KIAA0825: variants seen among roughly 807,000 people sequenced by gnomAD.
KIAA0825 encodes the protein uncharacterized protein KIAA0825.
A neutral mutation model predicts 147.6 loss-of-function variants in KIAA0825; 119 were observed. The observed-to-expected ratio is 0.81, with a 90% confidence interval of 0.69 to 0.94. The LOEUF (loss-of-function observed/expected upper bound fraction) is 0.94, where lower values mean the gene tolerates loss of function less well. KIAA0825 is among the 40% of genes least tolerant of loss of function. KIAA0825 has a pLI of 0.00. For synonymous variants in KIAA0825, 470 were observed against 518.1 expected (o/e 0.91, Z 1.26); for missense variants, 1,381 against 1,472.7 (o/e 0.94, Z 1.02).
chr5:94,565,504 G>A (rs550669408), intron 2 of KIAA0825, among the ~76,000 whole-genome samples: 1 of 151,728 alleles, frequency 6.6e-6, no homozygotes, highest in East Asian at 2.0e-4. Flanking sequence ...ACCATATCTG[G>A]CTAATTTTTG....
intron 13 of KIAA0825, among the ~76,000 whole-genome samples, chr5:94,441,644 C>T (rs1357194494): frequency 6.6e-6 from 1 of 152,126 alleles, no homozygotes; most frequent in Non-Finnish European, 1.5e-5. Flanking sequence ...CATGAGGATA[C>T]AAGAAGTTCG....
At chr5:94,467,326 A>AT (rs200289559) in intron 10 of KIAA0825, among the ~76,000 whole-genome samples, 3 of 152,268 alleles carry the variant, frequency 2.0e-5, no homozygotes, top group East Asian at 3.9e-4. Flanking sequence ...CTGCTAGTAA[A>AT]CATCTGTTAT....
intron 1 of KIAA0825, among the ~76,000 whole-genome samples, chr5:94,589,052 G>A (rs1783849280): frequency 1.3e-5 from 2 of 152,210 alleles, no homozygotes; most frequent in African/African-American, 2.4e-5. Context: ...GATAGAGTTA[G>A]GAGAAATACC....
intron 20 of KIAA0825, among the ~76,000 whole-genome samples, chr5:94,182,037 C>G (rs1184671969): frequency 6.6e-6 from 1 of 151,862 alleles, no homozygotes; most frequent in African/African-American, 2.4e-5. Flanking sequence ...AACTCCTTAT[C>G]AACATATACA....
At chr5:94,169,084 A>G (rs1233229549) in intron 20 of KIAA0825, among the ~76,000 whole-genome samples, 3 of 152,226 alleles carry the variant, frequency 2.0e-5, no homozygotes, top group Non-Finnish European at 4.4e-5. Flanking sequence ...TTTAGACAAC[A>G]CAGTTGTCAC....
chr5:94,232,880 GA>G (rs1422282651), intron 20 of KIAA0825, among the ~76,000 whole-genome samples: 1 of 152,038 alleles, frequency 6.6e-6, no homozygotes, highest in Non-Finnish European at 1.5e-5. Context: ...AAAAGTACAA[GA>G]TTTTTTCCCT....
intron 15 of KIAA0825, among the ~76,000 whole-genome samples, chr5:94,404,849 A>T (rs1056600650): frequency 6.6e-6 from 1 of 152,160 alleles, no homozygotes; most frequent in Non-Finnish European, 1.5e-5. Flanking sequence ...AAAAATATAG[A>T]CACTTTAGGA....
intron 20 of KIAA0825, among the ~76,000 whole-genome samples, chr5:94,238,902 GA>G (rs958000289): frequency 1.3e-5 from 2 of 152,072 alleles, no homozygotes; most frequent in African/African-American, 2.4e-5. Flanking sequence ...TCTTCTTTTA[GA>G]ATGAAATATC....
intron 18 of KIAA0825, among the ~76,000 whole-genome samples, chr5:94,389,185 T>C (rs1056241559): frequency 1.3e-5 from 2 of 152,200 alleles, no homozygotes; most frequent in Non-Finnish European, 2.9e-5. Context: ...ATACAGGGGA[T>C]TGAGGCCCTT....
intron 13 of KIAA0825, among the ~76,000 whole-genome samples, chr5:94,440,718 C>G (rs1756967777): frequency 6.6e-6 from 1 of 151,926 alleles, no homozygotes; most frequent in South Asian, 2.1e-4. Context: ...AATTCCGAGG[C>G]AAATACGCTT....
intron 18 of KIAA0825, among the ~76,000 whole-genome samples, chr5:94,388,930 A>G (rs60864844): frequency 0.022 from 3,307 of 152,242 alleles, 118 homozygotes; most frequent in African/African-American, 0.076. Context: ...GATGACCTCA[A>G]CTACCACACT....
chr5:94,252,450 G>GGT lies in KIAA0825; in HGVS notation c.3711-98328_3711-98327dup, dbSNP rs543621272. 3.3e-3 allele frequency among the ~76,000 whole-genome samples: 493 copies of GGT among 151,168 alleles called. 1 individual carries two copies. The highest frequency in any genetic ancestry group is 0.012 in the African/African-American group (480 of 41,242). ...ATATACATGTACATATATGTGTGTG[G>GGT]GTGTGTATATATATATAGAGAGAGA... On this transcript the variant is annotated intron_variant, in intron 20 of 20. Coordinates refer to ENST00000682413, the MANE Select transcript of KIAA0825 (RefSeq NM_001145678.3).
chr5:94,599,083 T>C (rs1482327481), intron 1 of KIAA0825, among the ~76,000 whole-genome samples: 4 of 152,232 alleles, frequency 2.6e-5, no homozygotes, highest in South Asian at 2.1e-4. Flanking sequence ...TACTAACTTA[T>C]ATTCCCACCA....
intron 16 of KIAA0825, among the ~76,000 whole-genome samples, chr5:94,400,958 C>A (rs78902239): frequency 0.011 from 1,734 of 151,886 alleles, 14 homozygotes; most frequent in South Asian, 0.03. Flanking sequence ...AAGGTAATGA[C>A]TATTTGTCTT....
At chr5:94,595,624 G>A (rs553694422) in intron 1 of KIAA0825, among the ~76,000 whole-genome samples, 18 of 152,130 alleles carry the variant, frequency 1.2e-4, no homozygotes, top group Non-Finnish European at 2.4e-4. Flanking sequence ...CGCAAATTTC[G>A]GCAGCTGCTT....
chr5:94,595,706 G>A (rs142801123), intron 1 of KIAA0825, among the ~76,000 whole-genome samples: 1 of 152,114 alleles, frequency 6.6e-6, no homozygotes, highest in Non-Finnish European at 1.5e-5. Context: ...AAACTGTTAT[G>A]CTCTGCTTCC....
chr5:94,535,156 G>C (rs75715074), intron 3 of KIAA0825, among the ~76,000 whole-genome samples: 6 of 151,952 alleles, frequency 3.9e-5, no homozygotes, highest in Non-Finnish European at 7.4e-5. Flanking sequence ...TTTCCCTGTT[G>C]AAAATAAGGG....
intron 13 of KIAA0825, among the ~76,000 whole-genome samples, chr5:94,444,139 C>A (rs1442004807): frequency 6.6e-6 from 1 of 152,112 alleles, no homozygotes; most frequent in Non-Finnish European, 1.5e-5. Context: ...TGATAATCCA[C>A]TTGGCAAATT....
At chr5:94,477,827 G>GA (rs1026909415) in intron 6 of KIAA0825, among the ~76,000 whole-genome samples, 5 of 151,488 alleles carry the variant, frequency 3.3e-5, no homozygotes, top group South Asian at 2.1e-4. Flanking sequence ...TTTTCCATGG[G>GA]AAAAAAAATT....
Sources: allele counts gnomAD v4.1 joint callset (sites outside exome capture counted in the v4.1 genomes callset), GRCh38; gene constraint gnomAD v4.1.1; transcripts MANE v1.5; gene names NCBI Gene and HGNC (gene_info 2026-07-23, HGNC 2026-07-21).